The following LRRTM4 variants were observed in gnomAD, a reference collection of about 807,000 sequenced individuals.
LRRTM4 encodes leucine-rich repeat transmembrane neuronal protein 4.
A neutral mutation model predicts 47.6 loss-of-function variants in LRRTM4; 25 were observed. That is an observed-to-expected ratio of 0.53 (90% CI 0.38 to 0.73). LRRTM4 has a LOEUF of 0.73. LRRTM4 is among the 30% of genes least tolerant of loss of function. The pLI, the probability that LRRTM4 is intolerant of heterozygous loss-of-function variation, is 0.00. For synonymous variants in LRRTM4, 311 were observed against 269.5 expected (o/e 1.15, Z -1.51); for missense variants, 638 against 713.4 (o/e 0.89, Z 1.20).
intron 3 of LRRTM4, among the ~76,000 whole-genome samples, chr2:76,864,255 A>G (rs1215021433): frequency 6.6e-6 from 1 of 152,204 alleles, no homozygotes; most frequent in Non-Finnish European, 1.5e-5. Flanking sequence ...TCCTCCCAAT[A>G]TGAAACCAAG....
At chr2:77,171,121 A>G (rs1052078899) in intron 3 of LRRTM4, among the ~76,000 whole-genome samples, 1 of 152,064 alleles carries the variant, frequency 6.6e-6, no homozygotes, top group Admixed American at 6.6e-5. Context: ...GTACCAGCTT[A>G]ATGAGGAAAT....
intron 3 of LRRTM4, among the ~76,000 whole-genome samples, chr2:77,420,161 G>T (rs187767556): frequency 6.6e-6 from 1 of 152,154 alleles, no homozygotes; most frequent in African/African-American, 2.4e-5. Flanking sequence ...AGGACCTCAG[G>T]TCCTCTCCAG....
intron 3 of LRRTM4, among the ~76,000 whole-genome samples, chr2:76,967,840 A>G (rs1676079940): frequency 6.6e-6 from 1 of 151,472 alleles, no homozygotes; most frequent in Non-Finnish European, 1.5e-5. Context: ...ACAACTTGTA[A>G]ATACTCATGC....
chr2:77,241,097 C>T (rs913180356), intron 3 of LRRTM4, among the ~76,000 whole-genome samples: 1 of 151,638 alleles, frequency 6.6e-6, no homozygotes, highest in African/African-American at 2.4e-5. Context: ...GAAAAGACAA[C>T]ACAATTTTGA....
intron 3 of LRRTM4, among the ~76,000 whole-genome samples, chr2:77,466,702 CTTTTTTT>C (rs34276275): frequency 4.6e-5 from 6 of 131,360 alleles, no homozygotes; most frequent in South Asian, 2.5e-4. Context: ...ACTATGGCAA[CTTTTTTT>C]TTTTTTTTTT....
chr2:76,967,201 C>A (rs1049172327), intron 3 of LRRTM4, among the ~76,000 whole-genome samples: 1 of 148,526 alleles, frequency 6.7e-6, no homozygotes, highest in South Asian at 2.1e-4. Flanking sequence ...TACCATTTAC[C>A]TATTCAACTA....
intron 3 of LRRTM4, among the ~76,000 whole-genome samples, chr2:77,036,332 T>A (rs1678836399): frequency 6.6e-6 from 1 of 151,832 alleles, no homozygotes; most frequent in African/African-American, 2.4e-5. Flanking sequence ...TTTCATGGAC[T>A]AGAGTATTAT....
intron 3 of LRRTM4, among the ~76,000 whole-genome samples, chr2:77,014,901 GATT>G (rs1479756716): frequency 1.3e-5 from 2 of 152,022 alleles, no homozygotes; most frequent in African/African-American, 4.8e-5. Context: ...TTTTCAAAGA[GATT>G]TTTTATTTGA....
At chr2:77,497,704 A>G (rs956138134) in intron 3 of LRRTM4, among the ~76,000 whole-genome samples, 13 of 150,696 alleles carry the variant, frequency 8.6e-5, no homozygotes, top group African/African-American at 3.2e-4. Context: ...TTATGTAATT[A>G]TAATATATAA....
At chr2:76,951,218 G>A (rs983719430) in intron 3 of LRRTM4, among the ~76,000 whole-genome samples, 2 of 152,016 alleles carry the variant, frequency 1.3e-5, no homozygotes, top group African/African-American at 2.4e-5. Flanking sequence ...GTGATTAGCA[G>A]TGTAAAAATA....
In LRRTM4 at chr2:77,505,671, A is replaced by T. The variant is rs556986554; in HGVS notation, c.1551+12647T>A. Among the ~76,000 whole-genome samples the T allele has an allele frequency of 8.7e-4, 132 of 151,754 alleles. 2 individuals carry two copies. The highest frequency in any genetic ancestry group is 2.7e-3 in the African/African-American group (113 of 41,554). ...AATTATTTTTGAACTAAAAATTTTT[A>T]AAAGTTATTCTACTAAAATGAATGC... On this transcript the variant is annotated intron_variant, in intron 3 of 3. Coordinates refer to ENST00000409884, the MANE Select transcript of LRRTM4 (RefSeq NM_001134745.3).
At chr2:77,178,568 A>G (rs1673262762) in intron 3 of LRRTM4, among the ~76,000 whole-genome samples, 2 of 152,174 alleles carry the variant, frequency 1.3e-5, no homozygotes, top group Non-Finnish European at 2.9e-5. Flanking sequence ...CCTGGGCAAC[A>G]GAGTGAGACT....
chr2:77,339,232 T>C (rs1373089032), intron 3 of LRRTM4, among the ~76,000 whole-genome samples: 1 of 152,010 alleles, frequency 6.6e-6, no homozygotes, highest in Non-Finnish European at 1.5e-5. Context: ...CCTGCACAAG[T>C]ACCTCCTGAA....
intron 3 of LRRTM4, among the ~76,000 whole-genome samples, chr2:76,937,794 G>C (rs759704319): frequency 1.3e-5 from 2 of 151,918 alleles, no homozygotes; most frequent in African/African-American, 4.8e-5. Context: ...TCTCGATCTC[G>C]TGATCTCGTG....
chr2:77,037,716 C>T (rs952634119), intron 3 of LRRTM4, among the ~76,000 whole-genome samples: 1 of 151,632 alleles, frequency 6.6e-6, no homozygotes, highest in Admixed American at 6.6e-5. Flanking sequence ...CCATTAGACA[C>T]ATTTTATTTG....
At chr2:77,241,053 A>C (rs1433407536) in intron 3 of LRRTM4, among the ~76,000 whole-genome samples, 1 of 152,042 alleles carries the variant, frequency 6.6e-6, no homozygotes, top group Non-Finnish European at 1.5e-5. Flanking sequence ...AATTGAGAAG[A>C]TGATTCTAAA....
intron 3 of LRRTM4, among the ~76,000 whole-genome samples, chr2:76,994,280 T>C (rs1478790442): frequency 6.6e-6 from 1 of 151,798 alleles, no homozygotes; most frequent in African/African-American, 2.4e-5. Context: ...GTTGAAATTA[T>C]TTTAAAAATT....
intron 3 of LRRTM4, among the ~76,000 whole-genome samples, chr2:76,803,582 A>G (rs538890164): frequency 2.1e-4 from 32 of 152,334 alleles, no homozygotes; most frequent in African/African-American, 6.0e-4. Flanking sequence ...TGATTCGGCA[A>G]TACCGCTACT....
intron 3 of LRRTM4, among the ~76,000 whole-genome samples, chr2:77,365,226 G>A (rs1390504525): frequency 6.6e-6 from 1 of 151,920 alleles, no homozygotes. Context: ...GAATACTAAC[G>A]TTCTCAGAGA....
Sources: gnomAD v4.1 joint callset for allele counts (sites outside exome capture counted in the v4.1 genomes callset) on GRCh38, gnomAD v4.1.1 for gene constraint, MANE v1.5 for transcripts, NCBI Gene and HGNC (gene_info 2026-07-23, HGNC 2026-07-21) for gene names.